Variants in SLC35D4 observed in about 807,000 individuals in gnomAD.
SLC35D4 encodes UDP-N-acetylglucosamine transporter SLC35D4.
chr18:23,297,482 T>C, the SLC35D4 span: 1 of 151,974 alleles, frequency 6.6e-6, no homozygotes, highest in Non-Finnish European at 1.5e-5. Context: ...CGCACCACTG[T>C]GCTTCAGCCT....
At chr18:23,410,517 G>A in the SLC35D4 span, among the ~76,000 whole-genome samples, 1 of 151,184 alleles carries the variant, frequency 6.6e-6, no homozygotes, top group African/African-American at 2.4e-5. Context: ...GTAACTGGGG[G>A]CTGGGGGCTG....
chr18:23,283,471 CAAAAAAAAAA>C, the SLC35D4 span, among the ~76,000 whole-genome samples: 3 of 44,436 alleles, frequency 6.8e-5, no homozygotes, highest in Non-Finnish European at 1.3e-4. Context: ...GACCCAGTCT[CAAAAAAAAAA>C]AAAAAAAAAA....
chr18:23,280,064 G>T, the SLC35D4 span, among the ~76,000 whole-genome samples: 18 of 152,238 alleles, frequency 1.2e-4, no homozygotes, highest in Admixed American at 1.2e-3. Context: ...CCTAGGAAAT[G>T]AATCCATTCA....
At chr18:23,402,996 C>T in the SLC35D4 span, among the ~76,000 whole-genome samples, 2 of 152,076 alleles carry the variant, frequency 1.3e-5, no homozygotes, top group East Asian at 3.9e-4. Context: ...GTCCCAGCTA[C>T]TCAGGAGGCT....
chr18:23,429,444 G>A, the SLC35D4 span, among the ~76,000 whole-genome samples: 1 of 151,978 alleles, frequency 6.6e-6, no homozygotes, highest in East Asian at 1.9e-4. Context: ...CCAACCTCCA[G>A]CTCACTCCAA....
the SLC35D4 span, chr18:23,259,725 C>CCAGACGTG: frequency 6.6e-6 from 1 of 152,204 alleles, no homozygotes; most frequent in Non-Finnish European, 1.5e-5. Flanking sequence ...ACGGAACATT[C>CCAGACGTG]CAGACACGTC....
chr18:23,257,112 C>A, the SLC35D4 span: 1 of 1,200,844 alleles, frequency 8.3e-7, no homozygotes, highest in Non-Finnish European at 1.2e-6. Flanking sequence ...GAGCTTTGCC[C>A]AAAGTGGATT....
chr18:23,269,918 A>C, the SLC35D4 span, among the ~76,000 whole-genome samples: 1 of 152,210 alleles, frequency 6.6e-6, no homozygotes, highest in South Asian at 2.1e-4. Context: ...AAGTTTGGAA[A>C]ATTTGCAGCC....
the SLC35D4 span, chr18:23,399,651 A>C: frequency 1.2e-6 from 2 of 1,613,566 alleles, no homozygotes; most frequent in Non-Finnish European, 1.7e-6. Context: ...ATGAGATCTG[A>C]AAAGAGGGGA....
At chr18:23,399,297 G>A in the SLC35D4 span, among the ~76,000 whole-genome samples, 2 of 152,292 alleles carry the variant, frequency 1.3e-5, no homozygotes, top group Admixed American at 1.3e-4. Flanking sequence ...CATCTCCACG[G>A]GGAAGCAGTC....
the SLC35D4 span, among the ~76,000 whole-genome samples, chr18:23,264,910 A>C: frequency 4.8e-4 from 70 of 146,008 alleles, no homozygotes; most frequent in East Asian, 0.014. Flanking sequence ...CACCCAAATT[A>C]CCGGGATTAC....
the SLC35D4 span, among the ~76,000 whole-genome samples, chr18:23,328,844 G>C: frequency 1.3e-5 from 2 of 152,122 alleles, no homozygotes; most frequent in Non-Finnish European, 2.9e-5. Flanking sequence ...CACAGTACTG[G>C]TACCAAAACA....
chr18:23,332,347 C>G, the SLC35D4 span, among the ~76,000 whole-genome samples: 1 of 152,184 alleles, frequency 6.6e-6, no homozygotes, highest in Non-Finnish European at 1.5e-5. Context: ...CAACACTGAA[C>G]ATAACTTGTG....
chr18:23,297,863 A>C, the SLC35D4 span: 1 of 910,782 alleles, frequency 1.1e-6, no homozygotes, highest in Non-Finnish European at 1.7e-6. Flanking sequence ...GGTGAGGGTG[A>C]TGGCACTGCC....
At chr18:23,394,451 A>G in the SLC35D4 span, among the ~76,000 whole-genome samples, 18 of 152,216 alleles carry the variant, frequency 1.2e-4, no homozygotes, top group Admixed American at 1.2e-3. Context: ...ATAGCCTATA[A>G]GTGAATCCCG....
chr18:23,347,772 T>C, the SLC35D4 span, among the ~76,000 whole-genome samples: 1 of 152,218 alleles, frequency 6.6e-6, no homozygotes, highest in Non-Finnish European at 1.5e-5. Flanking sequence ...TTTGTCAATG[T>C]TGCTGATGTT....
At chr18:23,303,730 G>A in the SLC35D4 span, among the ~76,000 whole-genome samples, 1 of 152,072 alleles carries the variant, frequency 6.6e-6, no homozygotes, top group Non-Finnish European at 1.5e-5. Flanking sequence ...GCAAAACCTG[G>A]TCTCTCCTAA....
At chr18:23,430,692 C>G in the SLC35D4 span, 3 of 1,608,112 alleles carry the variant, frequency 1.9e-6, no homozygotes, top group Admixed American at 1.7e-5. Flanking sequence ...AAAACAAACA[C>G]CAAATTACTG....
chr18:23,415,686 C>T, the SLC35D4 span, among the ~76,000 whole-genome samples: 4 of 152,328 alleles, frequency 2.6e-5, no homozygotes, highest in South Asian at 2.1e-4. Context: ...AAAATTGCTT[C>T]AATGTTCTGC....
Sources: allele counts gnomAD v4.1 joint callset (sites outside exome capture counted in the v4.1 genomes callset), GRCh38; gene constraint gnomAD v4.1.1; transcripts MANE v1.5; gene names NCBI Gene and HGNC (gene_info 2026-07-23, HGNC 2026-07-21).